CHKA: variants seen among roughly 807,000 people sequenced by gnomAD.
CHKA encodes choline kinase alpha.
CHKA carries 34 observed loss-of-function variants against 60.1 expected under a neutral mutation model. The ratio of observed to expected loss-of-function variants is 0.57; its 90% confidence interval spans 0.43 to 0.75. CHKA has a LOEUF of 0.75. CHKA is among the 30% of genes least tolerant of loss of function. CHKA has a pLI of 0.00. For synonymous variants in CHKA, 217 were observed against 223.1 expected (o/e 0.97, Z 0.24); for missense variants, 563 against 561.3 (o/e 1.00, Z -0.03).
intron 1 of CHKA, among the ~76,000 whole-genome samples, chr11:68,113,081 C>CAAAAAAAAAAAAAAA (rs71040587): frequency 2.7e-4 from 4 of 14,550 alleles, no homozygotes; most frequent in Non-Finnish European, 4.2e-4. Context: ...GACTCCGTCT[C>CAAAAAAAAAAAAAAA]AAAAAAAAAA....
At chr11:68,078,515 G>C (rs1026762418) in intron 3 of CHKA, among the ~76,000 whole-genome samples, 1 of 152,218 alleles carries the variant, frequency 6.6e-6, no homozygotes, top group African/African-American at 2.4e-5. Flanking sequence ...AGAGTGAACA[G>C]AAACGGGAGA....
intron 1 of CHKA, among the ~76,000 whole-genome samples, chr11:68,118,554 T>C (rs1434298143): frequency 6.6e-6 from 1 of 152,210 alleles, no homozygotes; most frequent in African/African-American, 2.4e-5. Flanking sequence ...ACCAGACGAA[T>C]TCCTCTCCTT....
At position 68,053,912 on chromosome 11, in the gene CHKA, C is replaced by G; in HGVS notation, c.*76G>C. 1 of 1,268,916 alleles carries G rather than the reference C, an allele frequency of 7.9e-7. No individual in the cohort carries two copies. The highest frequency in any genetic ancestry group is 1.5e-5 in the African/African-American group (1 of 67,958). 78.6% of individuals were successfully genotyped at this position (1,268,916 alleles called of 1,614,324 possible). On this transcript the variant is annotated 3_prime_UTR_variant, in exon 12 of 12. Coordinates refer to ENST00000265689, the MANE Select transcript of CHKA (RefSeq NM_001277.3). ...AGCCTCCTGCCACAGGAGCAGTAGT[C>G]GAAGCACAGAGGGGACCCCGCTCTG... is the stretch of plus-strand genomic sequence containing the variant.
At chr11:68,116,949 T>G (rs1331164579) in intron 1 of CHKA, among the ~76,000 whole-genome samples, 2 of 152,160 alleles carry the variant, frequency 1.3e-5, no homozygotes, top group African/African-American at 4.8e-5. Flanking sequence ...GAGGCCAACT[T>G]AAGCTAAAAA....
intron 4 of CHKA, among the ~76,000 whole-genome samples, chr11:68,072,214 G>C (rs1402563299): frequency 2.0e-5 from 3 of 152,118 alleles, no homozygotes; most frequent in African/African-American, 7.2e-5. Flanking sequence ...ATGGCTACAG[G>C]AATCATGAAA....
intron 6 of CHKA, 54 bp from the exon 7 acceptor site, chr11:68,068,991 A>C (rs187157268): frequency 7.1e-7 from 1 of 1,414,450 alleles, no homozygotes; most frequent in East Asian, 2.3e-5. Flanking sequence ...AGCTGCACAC[A>C]GTCTTGCTTT....
At chr11:68,095,671 T>C (rs1343864548) in intron 2 of CHKA, among the ~76,000 whole-genome samples, 3 of 110,942 alleles carry the variant, frequency 2.7e-5, no homozygotes, top group Non-Finnish European at 3.3e-5. Context: ...ATTGCACCAC[T>C]GCACACCAGC....
At chr11:68,054,570 T>C (rs575669922) in intron 11 of CHKA, among the ~76,000 whole-genome samples, 1 of 152,280 alleles carries the variant, frequency 6.6e-6, no homozygotes, top group Non-Finnish European at 1.5e-5. Context: ...TGCCACTATT[T>C]TTCTGGGATT....
chr11:68,065,793 T>C lies in CHKA; in HGVS notation c.1118A>G (p.Lys373Arg). 1 of 1,594,976 alleles carries C rather than the reference T, an allele frequency of 6.3e-7. No individual in the cohort carries two copies. Among genetic ancestry groups the C allele is most frequent in the Admixed American group, 1.7e-5 (1 of 59,790 alleles). Residue 373 changes from lysine (K) to arginine (R), a missense_variant, in exon 9 of 12, where the codon AAA becomes AGA. Transcript: ENST00000265689. ...CAAAAACTCATCTCCTACCTGTTGTTTCTTGGTGGGATACTTCCGGATGTT... is the reference window on the plus strand; with the variant it reads ...CAAAAACTCATCTCCTACCTGTTGTCTCTTGGTGGGATACTTCCGGATGTT... ...RANIRKYPTK[K>R]QQLHFISSYL...
At chr11:68,068,316 T>C (rs1856508271) in intron 7 of CHKA, among the ~76,000 whole-genome samples, 3 of 152,196 alleles carry the variant, frequency 2.0e-5, no homozygotes, top group African/African-American at 7.2e-5. Flanking sequence ...ACATGTTTAC[T>C]GTAAGGAGTT....
chr11:68,065,021 T>C (rs1856393910), intron 9 of CHKA, among the ~76,000 whole-genome samples: 1 of 152,096 alleles, frequency 6.6e-6, no homozygotes, highest in African/African-American at 2.4e-5. Flanking sequence ...CAGGAGGAAA[T>C]TCCCATGAGA....
At chr11:68,112,001 C>T (rs1372451755) in intron 1 of CHKA, among the ~76,000 whole-genome samples, 11 of 125,826 alleles carry the variant, frequency 8.7e-5, no homozygotes, top group Non-Finnish European at 1.4e-4. Flanking sequence ...TGCGGTGAGC[C>T]GAGATCACGC....
At chr11:68,062,411 C>A (rs896047234) in intron 10 of CHKA, among the ~76,000 whole-genome samples, 18 of 152,338 alleles carry the variant, frequency 1.2e-4, no homozygotes, top group African/African-American at 4.1e-4. Context: ...AGGGAGGGTG[C>A]ACACCATAGC....
At chr11:68,091,485 T>C (rs1202880859) in intron 2 of CHKA, among the ~76,000 whole-genome samples, 2 of 152,184 alleles carry the variant, frequency 1.3e-5, no homozygotes, top group African/African-American at 4.8e-5. Flanking sequence ...ACACAGGAAT[T>C]TTCATAAGCA....
intron 11 of CHKA, among the ~76,000 whole-genome samples, chr11:68,057,493 G>C (rs1856067834): frequency 6.6e-6 from 1 of 151,926 alleles, no homozygotes. Flanking sequence ...CTAATTTTTT[G>C]TATTTTTAGT....
intron 11 of CHKA, among the ~76,000 whole-genome samples, chr11:68,055,639 C>T (rs1048463549): frequency 2.6e-5 from 4 of 152,144 alleles, no homozygotes; most frequent in African/African-American, 4.8e-5. Flanking sequence ...TGTAGGGTAT[C>T]GCAATGAGGC....
intron 11 of CHKA, among the ~76,000 whole-genome samples, chr11:68,060,015 TG>T (rs1856166842): frequency 6.6e-6 from 1 of 151,712 alleles, no homozygotes; most frequent in Non-Finnish European, 1.5e-5. Context: ...TTTTTGTTTC[TG>T]AGATAGAGTT....
chr11:68,062,643 T>A (rs1037270980), intron 10 of CHKA, among the ~76,000 whole-genome samples: 1 of 152,186 alleles, frequency 6.6e-6, no homozygotes, highest in Non-Finnish European at 1.5e-5. Context: ...CTCATCCACA[T>A]GAAGATAAAG....
chr11:68,061,644 G>A (rs1590833193), intron 11 of CHKA: 1 of 474,884 alleles, frequency 2.1e-6, no homozygotes, highest in East Asian at 5.7e-5. Flanking sequence ...GACTTCGAGG[G>A]TGCAGATGCC....
Sources: allele counts gnomAD v4.1 joint callset (sites outside exome capture counted in the v4.1 genomes callset), GRCh38; gene constraint gnomAD v4.1.1; transcripts MANE v1.5; gene names NCBI Gene and HGNC (gene_info 2026-07-23, HGNC 2026-07-21).